TFPT: variants seen among roughly 807,000 people sequenced by gnomAD.
TFPT encodes INO80 complex subunit F.
TFPT carries 27 observed loss-of-function variants against 28.8 expected under a neutral mutation model. The observed-to-expected ratio is 0.94, with a 90% CI of 0.69 to 1.29. TFPT has a LOEUF of 1.29. Ranked by LOEUF, TFPT falls within the 50% of genes most tolerant of loss-of-function variation. TFPT has a pLI of 0.00. For missense variants in TFPT, 330 were observed against 338.0 expected (o/e 0.98, Z 0.19); for synonymous variants, 152 against 142.8 (o/e 1.06, Z -0.46).
At chr19:54,115,193 C>T (rs1428840996) in intron 1 of TFPT, 54 bp downstream of exon 1, 1 of 1,613,300 alleles carries the variant, frequency 6.2e-7, no homozygotes, top group African/African-American at 1.3e-5. Context: ...GCACACAATG[C>T]AGCTGCACTG....
rs1356460888 is a variant in TFPT at position 54,107,955 on chromosome 19, C to A, written c.642+71G>T. On this transcript the variant is annotated intron_variant, in intron 5 of 5. Transcript: ENST00000391759. ...CAGCCCTGGCCCCTCCCCTTGAGTC[C>A]CCCCTCCTTACCTGCACTGGCGCCG... 12 of 1,463,386 alleles carry A rather than the reference C, an allele frequency of 8.2e-6. No individual in the cohort carries two copies. In the South Asian group the frequency reaches 1.7e-4, roughly 21 times the overall value. The allele number at this position is 1,463,386 out of a possible 1,614,324, so 90.7% of individuals were successfully genotyped here. A position where few individuals can be genotyped will look rare whatever the true frequency, so the allele number is the denominator to read the frequency against.
intron 2 of TFPT, among the ~76,000 whole-genome samples, chr19:54,113,947 C>T (rs2073531969): frequency 6.6e-6 from 1 of 152,210 alleles, no homozygotes; most frequent in South Asian, 2.1e-4. Context: ...CCTGCCTCAG[C>T]CTCCCAGTGC....
In TFPT at chr19:54,111,181, G is replaced by T. The variant is rs186434757; in HGVS notation, c.283-1060C>A. ...ACTCCAGCCTAGACATGGAGGGAGA[G>T]ATGTGACTCAGCCAAACAGGGACCC... On this transcript the variant is annotated intron_variant, in intron 2 of 5. Coordinates refer to ENST00000391759, the MANE Select transcript of TFPT (RefSeq NM_013342.4). Among the ~76,000 whole-genome samples, 10 of 152,312 alleles carry T rather than the reference G, an allele frequency of 6.6e-5. No homozygotes were observed. The East Asian group carries it at 1.7e-3, about 26-fold the overall frequency.
intron 3 of TFPT, among the ~76,000 whole-genome samples, chr19:54,109,478 C>T (rs997881796): frequency 2.0e-5 from 3 of 152,146 alleles, no homozygotes; most frequent in East Asian, 3.9e-4. Flanking sequence ...GACTCAGCAA[C>T]GTGGAGCCAT....
Position 54,107,143 on chromosome 19 carries a change from AAAGCCAAAGT to A in TFPT, c.659_668del (p.Asp220ValfsTer38). 6.2e-7 allele frequency: 1 copy of A among 1,613,960 alleles called. No homozygotes were observed. On this transcript the variant is annotated frameshift_variant, in exon 6 of 6. Transcript: ENST00000391759. LOFTEE classifies it high-confidence loss of function. ...TGGAATCCAGGGCCTCATCTGCTTC[AAAGCCAAAGT>A]CTTCCTCAACCTTAATCTGCAGGAG...
intron 2 of TFPT, among the ~76,000 whole-genome samples, chr19:54,111,639 C>A (rs376186029): frequency 5.1e-4 from 76 of 147,706 alleles, no homozygotes; most frequent in Middle Eastern, 3.6e-3. Context: ...GAGATCACAC[C>A]ACTGCCCTCC....
chr19:54,108,231 T>C lies in TFPT; in HGVS notation c.437A>G (p.Gln146Arg), dbSNP rs1448407063. The C allele has an allele frequency of 5.7e-6, 9 of 1,592,370 alleles. No homozygotes were observed. Among genetic ancestry groups the C allele is most frequent in the Non-Finnish European group, 7.7e-6 (9 of 1,168,482 alleles). Residue 146 changes from glutamine (Q) to arginine (R), a missense_variant, in exon 5 of 6, where the codon CAG becomes CGG. By Grantham distance (43) the Gln-to-Arg change is conservative (BLOSUM62 1). Transcript: ENST00000391759. ...FTIVLEDEGS[Q>R]GTDAPTPGNA... is the part of the protein sequence containing the mutation. ...GCCTGGGGTGGGGGCATCCGTGCCC[T>C]GGCTGCCCTCATCCTGGCAGGCAGG...
rs587695873 is a variant in TFPT at position 54,114,358 on chromosome 19, C to G, written c.282+84G>C. 2.3e-4 allele frequency: 354 copies of G among 1,531,806 alleles called. No homozygotes were observed. The African/African-American group carries it at 4.5e-3, about 20-fold the overall frequency. 94.9% of individuals were successfully genotyped at this position (1,531,806 alleles called of 1,614,324 possible). A position where few individuals can be genotyped will look rare whatever the true frequency, so the allele number is the denominator to read the frequency against. On this transcript the variant is annotated intron_variant, in intron 2 of 5. Transcript: ENST00000391759. ...GAATATATCAGCAAGCCAAGAAAGG[C>G]TGGGCATGTGGAAAGGCAGAGATTG...
In TFPT at chr19:54,115,431, G is replaced by A. The variant is rs1395405954; in HGVS notation, c.-162C>T. 6.3e-6 allele frequency: 6 copies of A among 954,100 alleles called. No individual in the cohort carries two copies. Among genetic ancestry groups the A allele is most frequent in the Non-Finnish European group, 9.5e-6 (6 of 631,718 alleles). 59.1% of individuals were successfully genotyped at this position (954,100 alleles called of 1,614,324 possible). A position where few individuals can be genotyped will look rare whatever the true frequency, so the allele number is the denominator to read the frequency against. On this transcript the variant is annotated 5_prime_UTR_variant, in exon 1 of 6. Transcript: ENST00000391759. ...GTTGTAGTTTCCTGTTTCCGGCTTCGCTTCGGCCCACCCCCACGTCCACCC... is the reference window on the plus strand; with the variant it reads ...GTTGTAGTTTCCTGTTTCCGGCTTCACTTCGGCCCACCCCCACGTCCACCC...
chr19:54,115,345 T>G lies in TFPT; in HGVS notation c.-76A>C. ...CTGTAGGTTAAGCCGTTCGCAAAAC[T>G]ACTTGTCCCATCAGGCTCAGCAGCC... On this transcript the variant is annotated 5_prime_UTR_variant, in exon 1 of 6. Coordinates refer to ENST00000391759, the MANE Select transcript of TFPT (RefSeq NM_013342.4). 6.2e-7 allele frequency: 1 copy of G among 1,605,820 alleles called. No homozygotes were observed.
chr19:54,107,695 TCTC>T (rs1454775415), intron 5 of TFPT: 8 of 363,026 alleles, frequency 2.2e-5, no homozygotes, highest in Middle Eastern at 7.0e-4. Flanking sequence ...GATCCTTCCT[TCTC>T]CTCTACTCCC....
In TFPT at chr19:54,108,144, G is replaced by A. The variant is rs1375463024; in HGVS notation, c.524C>T (p.Pro175Leu). The part of the protein sequence containing the change: ...TLSPPRRTPA[P>L]PEPGSPAPGE... Reference sequence around the variant, plus strand: ...GGGGGCTGGGCTGCCGGGTTCTGGGGGTGCAGGAGTCCTTCTGGGCGGGGA... The same window carrying A: ...GGGGGCTGGGCTGCCGGGTTCTGGGAGTGCAGGAGTCCTTCTGGGCGGGGA... Residue 175 changes from proline to leucine, a missense_variant, in exon 5 of 6, where the codon CCC becomes CTC. Pro to Leu is a moderately conservative substitution (Grantham distance 98). Coordinates refer to ENST00000391759, the MANE Select transcript of TFPT (RefSeq NM_013342.4). 1 of 1,584,690 alleles carries A rather than the reference G, an allele frequency of 6.3e-7. No homozygotes were observed. The highest frequency in any genetic ancestry group is 1.7e-4 in the Middle Eastern group (1 of 5,888).
chr19:54,115,400 G>C lies in TFPT; in HGVS notation c.-131C>G, dbSNP rs2073597052. On this transcript the variant is annotated 5_prime_UTR_variant, in exon 1 of 6. Coordinates refer to ENST00000391759, the MANE Select transcript of TFPT (RefSeq NM_013342.4). ...ACGGCGGGACGTGGCCCTAGGCCTTGTGGGAGTTGTAGTTTCCTGTTTCCG... is the reference window on the plus strand; with the variant it reads ...ACGGCGGGACGTGGCCCTAGGCCTTCTGGGAGTTGTAGTTTCCTGTTTCCG... 9.1e-6 allele frequency: 12 copies of C among 1,324,378 alleles called. No homozygotes were observed. The highest frequency in any genetic ancestry group is 1.4e-5 in the African/African-American group (1 of 69,126). 82.0% of individuals were successfully genotyped at this position (1,324,378 alleles called of 1,614,324 possible).
chr19:54,108,874 T>G, intron 3 of TFPT: 1 of 364,690 alleles, frequency 2.7e-6, no homozygotes, highest in South Asian at 3.2e-5. Flanking sequence ...GAATGCCTCC[T>G]CTGCACCAGC....
At chr19:54,107,283 CTG>C (rs2073297607) in intron 5 of TFPT, 114 bp from the exon 6 acceptor site, 1 of 1,439,750 alleles carries the variant, frequency 6.9e-7, no homozygotes, top group Non-Finnish European at 9.4e-7. Context: ...GGGTCTCACT[CTG>C]TTGCCCAGGC....
intron 2 of TFPT, among the ~76,000 whole-genome samples, chr19:54,113,315 A>G (rs997025704): frequency 2.6e-5 from 4 of 151,964 alleles, no homozygotes; most frequent in African/African-American, 9.7e-5. Context: ...AGGGAGCAGC[A>G]ATGTGAAGAT....
intron 2 of TFPT, among the ~76,000 whole-genome samples, chr19:54,113,608 A>C (rs1187570545): frequency 6.6e-6 from 1 of 150,536 alleles, no homozygotes; most frequent in Non-Finnish European, 1.5e-5. Flanking sequence ...CTTCACTCTC[A>C]AGGAAAAAAA....
chr19:54,109,930 T>C, intron 3 of TFPT, 121 bp downstream of exon 3: 1 of 641,738 alleles, frequency 1.6e-6, no homozygotes. Flanking sequence ...CCGGCCCTCA[T>C]CTCCGGCTTC....
At chr19:54,113,421 C>CT (rs2073511333) in intron 2 of TFPT, among the ~76,000 whole-genome samples, 2 of 152,148 alleles carry the variant, frequency 1.3e-5, no homozygotes, top group Non-Finnish European at 2.9e-5. Context: ...ACAACCCTGT[C>CT]GACACCTTGC....
Sources: allele counts gnomAD v4.1 joint callset (sites outside exome capture counted in the v4.1 genomes callset), GRCh38; gene constraint gnomAD v4.1.1; transcripts MANE v1.5; gene names NCBI Gene and HGNC (gene_info 2026-07-23, HGNC 2026-07-21).